Variants in KANSL1L observed in about 807,000 individuals in gnomAD.
KANSL1L encodes KAT8 regulatory NSL complex subunit 1-like protein.
KANSL1L carries 25 observed loss-of-function variants against 108.6 expected under a neutral mutation model. The ratio of observed to expected loss-of-function variants is 0.23; its 90% confidence interval spans 0.17 to 0.32. The LOEUF (loss-of-function observed/expected upper bound fraction) is 0.32. KANSL1L is among the 10% of genes least tolerant of loss of function. KANSL1L has a pLI of 1.00. For missense variants in KANSL1L, 1,137 were observed against 1,125.7 expected (o/e 1.01, Z -0.14); for synonymous variants, 405 against 395.1 (o/e 1.03, Z -0.30).
intron 2 of KANSL1L, among the ~76,000 whole-genome samples, chr2:210,135,326 T>C (rs1400287035): frequency 6.6e-6 from 1 of 152,166 alleles, no homozygotes; most frequent in Non-Finnish European, 1.5e-5. Flanking sequence ...AAGAGGTACA[T>C]GGACATTTGG....
chr2:210,139,524 G>A (rs1462967303), intron 2 of KANSL1L, among the ~76,000 whole-genome samples: 3 of 152,154 alleles, frequency 2.0e-5, no homozygotes, highest in African/African-American at 7.2e-5. Context: ...CATTCCCACA[G>A]TGTACAAGAG....
intron 5 of KANSL1L, among the ~76,000 whole-genome samples, chr2:210,092,657 C>T (rs977430922): frequency 6.6e-6 from 1 of 152,116 alleles, no homozygotes; most frequent in African/African-American, 2.4e-5. Flanking sequence ...GTCTGTTGTG[C>T]ACTCCTTATT....
intron 1 of KANSL1L, among the ~76,000 whole-genome samples, chr2:210,165,431 T>C (rs1356744539): frequency 6.6e-6 from 1 of 152,074 alleles, no homozygotes; most frequent in Admixed American, 6.5e-5. Flanking sequence ...ATAATAAACA[T>C]TTTTTAAAAC....
intron 8 of KANSL1L, among the ~76,000 whole-genome samples, chr2:210,037,164 G>A (rs180872134): frequency 2.3e-3 from 347 of 151,948 alleles, no homozygotes; most frequent in African/African-American, 7.8e-3. Context: ...AGTCAATAAC[G>A]TTTTATATTT....
chr2:210,151,169 C>T (rs2095300879), intron 2 of KANSL1L, among the ~76,000 whole-genome samples: 1 of 152,046 alleles, frequency 6.6e-6, no homozygotes, highest in Non-Finnish European at 1.5e-5. Flanking sequence ...GTGCACACCA[C>T]CATGCCGGGC....
intron 1 of KANSL1L, among the ~76,000 whole-genome samples, chr2:210,160,030 C>A (rs1057137934): frequency 4.0e-5 from 6 of 151,780 alleles, no homozygotes; most frequent in African/African-American, 1.5e-4. Flanking sequence ...AGCGAGACTC[C>A]GTCTCAAAAA....
chr2:210,035,552 T>TCA (rs1283181396), intron 8 of KANSL1L, among the ~76,000 whole-genome samples: 25 of 152,304 alleles, frequency 1.6e-4, no homozygotes, highest in Admixed American at 2.0e-4. Context: ...CCATTTCGGC[T>TCA]CACTACACGT....
At chr2:210,145,848 G>C (rs2095261907) in intron 2 of KANSL1L, among the ~76,000 whole-genome samples, 1 of 152,208 alleles carries the variant, frequency 6.6e-6, no homozygotes, top group South Asian at 2.1e-4. Flanking sequence ...TAGTGGGACA[G>C]AGTCTGCAAT....
At chr2:210,071,089 C>T (rs1193558731) in intron 6 of KANSL1L, among the ~76,000 whole-genome samples, 7 of 151,566 alleles carry the variant, frequency 4.6e-5, no homozygotes, top group East Asian at 2.0e-4. Flanking sequence ...ACCCGGGAGG[C>T]GGAGGTTGCA....
intron 6 of KANSL1L, among the ~76,000 whole-genome samples, chr2:210,055,203 T>C (rs2094337430): frequency 6.6e-6 from 1 of 152,212 alleles, no homozygotes; most frequent in African/African-American, 2.4e-5. Context: ...TGCCGCCACG[T>C]GAAGAAGTAC....
chr2:210,131,697 G>T (rs1247239056), intron 2 of KANSL1L, among the ~76,000 whole-genome samples: 1 of 151,220 alleles, frequency 6.6e-6, no homozygotes, highest in Non-Finnish European at 1.5e-5. Context: ...TGTGATATAT[G>T]AAATAAATTT....
chr2:210,112,048 A>G (rs1177697486), intron 3 of KANSL1L, among the ~76,000 whole-genome samples: 1 of 152,092 alleles, frequency 6.6e-6, no homozygotes, highest in Admixed American at 6.5e-5. Context: ...CCATGTCCCT[A>G]CAAAGGACAT....
intron 1 of KANSL1L, among the ~76,000 whole-genome samples, chr2:210,161,849 G>A (rs897704235): frequency 2.0e-5 from 3 of 151,682 alleles, no homozygotes; most frequent in Non-Finnish European, 4.4e-5. Context: ...GAGTAAGGAG[G>A]AATACTGATT....
intron 6 of KANSL1L, among the ~76,000 whole-genome samples, chr2:210,064,516 AG>A (rs2094449023): frequency 6.6e-6 from 1 of 152,074 alleles, no homozygotes; most frequent in Non-Finnish European, 1.5e-5. Flanking sequence ...TTACTGCTCT[AG>A]TAGAAAAATT....
chr2:210,078,919 T>TA (rs901907119), intron 5 of KANSL1L, among the ~76,000 whole-genome samples: 13 of 151,570 alleles, frequency 8.6e-5, no homozygotes, highest in African/African-American at 1.9e-4. Flanking sequence ...GACATTCTTT[T>TA]AAAAAAAAAT....
At chr2:210,113,164 C>T (rs557106315) in intron 3 of KANSL1L, among the ~76,000 whole-genome samples, 1 of 152,230 alleles carries the variant, frequency 6.6e-6, no homozygotes, top group East Asian at 1.9e-4. Flanking sequence ...TTCCCTCCTC[C>T]TCTGGCAGAA....
At chr2:210,101,833 T>C (rs1472772660) in intron 4 of KANSL1L, among the ~76,000 whole-genome samples, 1 of 152,172 alleles carries the variant, frequency 6.6e-6, no homozygotes, top group Non-Finnish European at 1.5e-5. Context: ...TTATCAGGAA[T>C]AAGACAGTAA....
rs1559496836 is a variant in KANSL1L, at chr2:210,028,603, A to T, written c.2396+242T>A. The T allele has an allele frequency of 1.5e-5, 5 of 342,824 alleles. No homozygotes were observed. The South Asian group carries it at 1.8e-4, about 13-fold the overall frequency. The allele number at this position is 342,824 out of a possible 1,614,324, so 21.2% of individuals were successfully genotyped here. A position where few individuals can be genotyped will look rare whatever the true frequency, so the allele number is the denominator to read the frequency against. On this transcript the variant is annotated intron_variant, in intron 11 of 14. Transcript: ENST00000281772. ...AGATAACACTGGATAATAATAATAA[A>T]AAAGACTAAGAATGCTAAAGTAGTC...
At chr2:210,163,730 T>C (rs906710294) in intron 1 of KANSL1L, among the ~76,000 whole-genome samples, 34 of 152,264 alleles carry the variant, frequency 2.2e-4, no homozygotes, top group Non-Finnish European at 4.3e-4. Flanking sequence ...AAATTTTATA[T>C]ACAATAGTAT....
Sources: gnomAD v4.1 joint callset for allele counts (sites outside exome capture counted in the v4.1 genomes callset) on GRCh38, gnomAD v4.1.1 for gene constraint, MANE v1.5 for transcripts, NCBI Gene and HGNC (gene_info 2026-07-23, HGNC 2026-07-21) for gene names.